The following CYB5R4 variants were observed in gnomAD, a reference collection of about 807,000 sequenced individuals.
The protein encoded by CYB5R4 is N-terminal cytochrome b5 and cytochrome b5 oxidoreductase domain-containing protein.
A neutral mutation model predicts 70.2 loss-of-function variants in CYB5R4; 55 were observed. The observed-to-expected ratio is 0.78, with a 90% CI of 0.63 to 0.98. The LOEUF (loss-of-function observed/expected upper bound fraction) is 0.98, where lower values mean the gene tolerates loss of function less well. Ranked by LOEUF, CYB5R4 falls within the 50% of genes least tolerant of loss-of-function variation. The pLI is 0.00. For synonymous variants in CYB5R4, 197 were observed against 199.5 expected, an observed-to-expected ratio of 0.99 and a Z score of 0.11; for missense variants, 562 against 612.6, an observed-to-expected ratio of 0.92 and a Z score of 0.87.
chr6:83,862,621 G>A (rs1184204680), intron 1 of CYB5R4, among the ~76,000 whole-genome samples: 1 of 152,224 alleles, frequency 6.6e-6, no homozygotes, highest in Non-Finnish European at 1.5e-5. Context: ...AGCTAGTACA[G>A]TCAACTGTGA....
intron 2 of CYB5R4, among the ~76,000 whole-genome samples, chr6:83,876,087 T>C (rs1459110288): frequency 6.6e-6 from 1 of 152,218 alleles, no homozygotes; most frequent in African/African-American, 2.4e-5. Flanking sequence ...TTCCATATTG[T>C]TGGCTCCTGG....
intron 14 of CYB5R4, among the ~76,000 whole-genome samples, chr6:83,942,645 C>A (rs933887436): frequency 2.0e-5 from 3 of 152,108 alleles, no homozygotes; most frequent in Non-Finnish European, 4.4e-5. Context: ...GGGGCTGAAG[C>A]CAGGGAGCCA....
intron 2 of CYB5R4, among the ~76,000 whole-genome samples, chr6:83,882,576 A>G (rs1349607703): frequency 6.6e-6 from 1 of 152,246 alleles, no homozygotes; most frequent in Non-Finnish European, 1.5e-5. Context: ...GTTACTAGAT[A>G]TACTCAAGAG....
rs570230125 is a variant in CYB5R4, at chr6:83,906,155, G to A, written c.331-2854G>A. 8.5e-5 allele frequency among the ~76,000 whole-genome samples: 13 copies of A among 152,280 alleles called. No homozygotes were observed. The East Asian group carries it at 2.1e-3, about 25-fold the overall frequency. On this transcript the variant is annotated intron_variant, in intron 3 of 15. Transcript: ENST00000369681. ...CCCTGCCTCTGGGCAGAGTGGTGCT[G>A]CCTTCAGTGGTAGGCAGCCTAGGCC...
chr6:83,897,059 C>T (rs986733024), intron 3 of CYB5R4, among the ~76,000 whole-genome samples: 2 of 148,950 alleles, frequency 1.3e-5, no homozygotes, highest in Admixed American at 6.8e-5. Flanking sequence ...ATCCCTCCCC[C>T]GTCCCCCTAC....
intron 11 of CYB5R4, among the ~76,000 whole-genome samples, chr6:83,935,286 T>C (rs963822078): frequency 5.3e-5 from 8 of 152,206 alleles, no homozygotes; most frequent in African/African-American, 1.2e-4. Flanking sequence ...CAACATTTTC[T>C]TGGCCTTTTG....
intron 3 of CYB5R4, among the ~76,000 whole-genome samples, chr6:83,904,764 T>C (rs2129136828): frequency 6.6e-6 from 1 of 152,342 alleles, no homozygotes; most frequent in African/African-American, 2.4e-5. Context: ...TTTCATGACG[T>C]CTATCACTTT....
At chr6:83,932,569 C>T (rs915515605) in intron 10 of CYB5R4, among the ~76,000 whole-genome samples, 2 of 152,182 alleles carry the variant, frequency 1.3e-5, no homozygotes, top group African/African-American at 2.4e-5. Context: ...GAGAGCCCCA[C>T]GTGACTGTCT....
Position 83,935,383 on chromosome 6 carries a change from A to C in CYB5R4, c.955+648A>C, listed in dbSNP as rs2099468765. ...TACCACCTAGGTCTCAGAAGATATG[A>C]TATATTATGATGAGGCACTGTTAAG... On this transcript the variant is annotated intron_variant, in intron 11 of 15. Coordinates refer to ENST00000369681, the MANE Select transcript of CYB5R4 (RefSeq NM_016230.4). 3.9e-5 allele frequency among the ~76,000 whole-genome samples: 6 copies of C among 152,138 alleles called. No individual in the cohort carries two copies. The South Asian group carries it at 1.2e-3, about 31-fold the overall frequency.
At chr6:83,925,897 T>C (rs913630033) in intron 10 of CYB5R4, among the ~76,000 whole-genome samples, 2 of 152,210 alleles carry the variant, frequency 1.3e-5, no homozygotes, top group Admixed American at 1.3e-4. Flanking sequence ...AGCTCTTCTA[T>C]TGAGTTACTC....
intron 2 of CYB5R4, among the ~76,000 whole-genome samples, chr6:83,875,888 C>G (rs1194774920): frequency 6.6e-6 from 1 of 152,076 alleles, no homozygotes; most frequent in Admixed American, 6.6e-5. Flanking sequence ...TTAATTTGTT[C>G]CCTTAACCAC....
chr6:83,919,837 A>G (rs2099466090), intron 7 of CYB5R4, among the ~76,000 whole-genome samples: 1 of 151,938 alleles, frequency 6.6e-6, no homozygotes, highest in African/African-American at 2.4e-5. Context: ...CTCAGTTAAC[A>G]TCACCATAAG....
chr6:83,955,350 CAG>C lies in CYB5R4; in HGVS notation c.1400_1401del (p.Gln467ArgfsTer10). 6.2e-7 allele frequency: 1 copy of C among 1,613,820 alleles called. No individual in the cohort carries two copies. Among genetic ancestry groups the C allele is most frequent in the Non-Finnish European group, 8.5e-7 (1 of 1,179,848 alleles). ...ACCTATTTCTGAATGGAATGGCAAA[CAG>C]GGACATATTTCACCAGCTCTTCTTT... Reference protein sequence around the residue: ...SAPISEWNGKQGHISPALLSE... With the variant: ...SAPISEWNGKXGHISPALLSE... On this transcript the variant is annotated frameshift_variant, in exon 15 of 16. Coordinates refer to ENST00000369681, the MANE Select transcript of CYB5R4 (RefSeq NM_016230.4). LOFTEE classifies it high-confidence loss of function.
intron 14 of CYB5R4, among the ~76,000 whole-genome samples, chr6:83,952,063 T>C (rs1188765715): frequency 5.9e-5 from 9 of 152,174 alleles, no homozygotes; most frequent in Non-Finnish European, 1.3e-4. Flanking sequence ...GTGATGTTGT[T>C]AGTGTCATTA....
chr6:83,928,766 C>G (rs567316687), intron 10 of CYB5R4, among the ~76,000 whole-genome samples: 2 of 152,124 alleles, frequency 1.3e-5, no homozygotes, highest in Non-Finnish European at 2.9e-5. Flanking sequence ...AGTGAAGTCT[C>G]TTTCCCTGAA....
At chr6:83,957,798 A>G (rs1312633845) in intron 15 of CYB5R4, among the ~76,000 whole-genome samples, 4 of 152,110 alleles carry the variant, frequency 2.6e-5, no homozygotes, top group Non-Finnish European at 5.9e-5. Context: ...AACATGCTGC[A>G]TAGAGTTGCA....
intron 2 of CYB5R4, among the ~76,000 whole-genome samples, chr6:83,885,525 G>T (rs1385803681): frequency 6.6e-6 from 1 of 152,190 alleles, no homozygotes; most frequent in East Asian, 1.9e-4. Flanking sequence ...CACATGTATG[G>T]TTACCTAACC....
intron 2 of CYB5R4, among the ~76,000 whole-genome samples, chr6:83,882,068 A>G (rs751071380): frequency 2.0e-5 from 3 of 152,234 alleles, no homozygotes; most frequent in Non-Finnish European, 2.9e-5. Context: ...CTCAGACCAC[A>G]TATTTTAAAA....
chr6:83,927,739 A>G (rs187910660), intron 10 of CYB5R4, among the ~76,000 whole-genome samples: 9 of 151,266 alleles, frequency 5.9e-5, no homozygotes, highest in Admixed American at 4.6e-4. Flanking sequence ...TTGGGTTTTT[A>G]TGGGGGCTTT....
Sources: gnomAD v4.1 joint callset for allele counts (sites outside exome capture counted in the v4.1 genomes callset) on GRCh38, gnomAD v4.1.1 for gene constraint, MANE v1.5 for transcripts, NCBI Gene and HGNC (gene_info 2026-07-23, HGNC 2026-07-21) for gene names.